The following SPATA22 variants were observed in gnomAD, a reference collection of about 807,000 sequenced individuals.
SPATA22 encodes the protein spermatogenesis-associated protein 22.
A neutral mutation model predicts 47.8 loss-of-function variants in SPATA22; 29 were observed. The ratio of observed to expected loss-of-function variants is 0.61; its 90% CI spans 0.45 to 0.83. The LOEUF (loss-of-function observed/expected upper bound fraction) is 0.83, where lower values mean the gene tolerates loss of function less well. Among genes scored for constraint, SPATA22 ranks in the 40% least tolerant of loss-of-function variants. The pLI is 0.00. For missense variants in SPATA22, 410 were observed against 421.7 expected (o/e 0.97, Z 0.24); for synonymous variants, 133 against 140.9 (o/e 0.94, Z 0.40).
In SPATA22 at chr17:3,471,783, C is replaced by G; in HGVS notation, c.-175G>C. 1 of 985,588 alleles carries G rather than the reference C, an allele frequency of 1.0e-6. No homozygotes were observed. The highest frequency in any genetic ancestry group is 4.7e-5 in the South Asian group (1 of 21,300). 61.1% of individuals were successfully genotyped at this position (985,588 alleles called of 1,614,324 possible). A position where few individuals can be genotyped will look rare whatever the true frequency, so the allele number is the denominator to read the frequency against. ...TCGTCCAGGCGGCCCCGTCAGCAAC[C>G]GCCGCCCTTCCCGCCCGCGAAGAAA... On this transcript the variant is annotated 5_prime_UTR_variant, in exon 1 of 9. Transcript: ENST00000572969.
At chr17:3,446,625 G>A in intron 6 of SPATA22, 24 bp from the exon 7 acceptor site, 1 of 1,470,588 alleles carries the variant, frequency 6.8e-7, no homozygotes, top group Non-Finnish European at 9.2e-7. Flanking sequence ...AAGAAACATA[G>A]TATTAGAAAA....
intron 1 of SPATA22, among the ~76,000 whole-genome samples, chr17:3,494,794 C>T (rs2073882702): frequency 1.3e-5 from 2 of 152,112 alleles, no homozygotes; most frequent in South Asian, 4.1e-4. Flanking sequence ...GACAAGGCCA[C>T]TTAGAGAAAG....
chr17:3,480,449 C>T (rs2073607942), intron 1 of SPATA22, among the ~76,000 whole-genome samples: 1 of 152,154 alleles, frequency 6.6e-6, no homozygotes, highest in African/African-American at 2.4e-5. Flanking sequence ...TGGAGCTGTC[C>T]TCTTGCGCTG....
intron 1 of SPATA22, among the ~76,000 whole-genome samples, chr17:3,497,572 T>C (rs763961843): frequency 6.6e-6 from 1 of 152,190 alleles, no homozygotes; most frequent in Non-Finnish European, 1.5e-5. Flanking sequence ...TCTCAGATTC[T>C]GATTTGATTT....
chr17:3,503,320 ATTC>A (rs985150358), intron 1 of SPATA22: 6 of 152,160 alleles, frequency 3.9e-5, no homozygotes, highest in Non-Finnish European at 7.4e-5. Flanking sequence ...GAAAGCCCAT[ATTC>A]TTTCTAAATT....
intron 1 of SPATA22, chr17:3,512,862 AT>A (rs2074131920): frequency 6.6e-6 from 1 of 152,228 alleles, no homozygotes; most frequent in South Asian, 2.1e-4. Flanking sequence ...ATTTTGTTAA[AT>A]TCCCCCACTG....
At chr17:3,479,029 C>G (rs1399926319) in intron 1 of SPATA22, among the ~76,000 whole-genome samples, 1 of 152,158 alleles carries the variant, frequency 6.6e-6, no homozygotes, top group Non-Finnish European at 1.5e-5. Context: ...TTGCTCTGAC[C>G]CTTCCTGTCA....
intron 5 of SPATA22, among the ~76,000 whole-genome samples, chr17:3,454,455 C>T (rs983457327): frequency 1.3e-5 from 2 of 151,986 alleles, no homozygotes; most frequent in African/African-American, 2.4e-5. Context: ...CCCCATCCCC[C>T]GACCCCACAA....
chr17:3,455,042 G>A (rs1403797283), intron 5 of SPATA22, among the ~76,000 whole-genome samples: 1 of 152,072 alleles, frequency 6.6e-6, no homozygotes, highest in Admixed American at 6.6e-5. Context: ...GCATTTCTCT[G>A]ATGGCCAGTG....
chr17:3,464,852 G>A (rs1219639681), intron 3 of SPATA22, among the ~76,000 whole-genome samples: 4 of 119,844 alleles, frequency 3.3e-5, no homozygotes, highest in Non-Finnish European at 5.8e-5. Flanking sequence ...AGTGAGGAGC[G>A]TCTCCGCCCG....
chr17:3,462,922 C>A (rs1035892198), intron 3 of SPATA22, among the ~76,000 whole-genome samples, 155 bp from the exon 4 acceptor site: 2 of 152,330 alleles, frequency 1.3e-5, no homozygotes, highest in Admixed American at 1.3e-4. Flanking sequence ...GAAAACCTGT[C>A]ACAGCCTGCT....
intron 5 of SPATA22, among the ~76,000 whole-genome samples, chr17:3,454,158 A>G (rs550770440): frequency 6.6e-6 from 1 of 151,886 alleles, no homozygotes; most frequent in African/African-American, 2.4e-5. Flanking sequence ...TTAGGAATAA[A>G]TGACCAAGAT....
chr17:3,448,855 T>C lies in SPATA22; in HGVS notation c.624A>G (p.Gln208=). 1 of 1,612,968 alleles carries C rather than the reference T, an allele frequency of 6.2e-7. No homozygotes were observed. The highest frequency in any genetic ancestry group is 2.2e-5 in the East Asian group (1 of 44,838). Residue 208 remains glutamine, a synonymous_variant, in exon 6 of 9, where the codon CAA becomes CAG. Transcript: ENST00000572969. ...TATCATCCAACATTTGTTTCTTATA[T>C]TGATTTTGTTGAAAATTGGGCTTAA... The part of the protein sequence containing the change: ...QTLKPNFQQN[Q]YKKQMLDDIP...
chr17:3,502,855 G>A (rs1257928125), intron 1 of SPATA22: 1 of 152,286 alleles, frequency 6.6e-6, no homozygotes, highest in Admixed American at 6.5e-5. Flanking sequence ...GGCAAGGTGT[G>A]AGGAGGTCTT....
At chr17:3,478,706 T>C (rs1164676610) in intron 1 of SPATA22, among the ~76,000 whole-genome samples, 1 of 152,226 alleles carries the variant, frequency 6.6e-6, no homozygotes, top group Non-Finnish European at 1.5e-5. Context: ...GACTAGACTG[T>C]TCCCAGCGTG....
At chr17:3,493,801 C>G (rs2073865282) in intron 1 of SPATA22, among the ~76,000 whole-genome samples, 1 of 152,090 alleles carries the variant, frequency 6.6e-6, no homozygotes, top group Non-Finnish European at 1.5e-5. Context: ...ACCCCTAAAC[C>G]TAGATTCTTT....
At chr17:3,500,236 G>C (rs984674089) in intron 1 of SPATA22, 1 of 152,260 alleles carries the variant, frequency 6.6e-6, no homozygotes, top group Non-Finnish European at 1.5e-5. Flanking sequence ...GCAAGTTGCT[G>C]ATGTGGAAGC....
chr17:3,508,027 A>G (rs1469359550), intron 1 of SPATA22, among the ~76,000 whole-genome samples: 3 of 152,210 alleles, frequency 2.0e-5, no homozygotes, highest in African/African-American at 7.2e-5. Flanking sequence ...CCACTCAACA[A>G]GATACATCCC....
intron 1 of SPATA22, among the ~76,000 whole-genome samples, chr17:3,510,219 T>C (rs1263163577): frequency 1.3e-5 from 2 of 152,206 alleles, no homozygotes; most frequent in Non-Finnish European, 2.9e-5. Context: ...TGTGAATCCC[T>C]GGGCACATCA....
Sources: allele counts gnomAD v4.1 joint callset (sites outside exome capture counted in the v4.1 genomes callset), GRCh38; gene constraint gnomAD v4.1.1; transcripts MANE v1.5; gene names NCBI Gene and HGNC (gene_info 2026-07-23, HGNC 2026-07-21).